The following PLXNA2 variants were observed in gnomAD, a reference collection of about 807,000 sequenced individuals.
The protein encoded by PLXNA2 is plexin A2, also known as plexin-A2.
PLXNA2 carries 91 observed loss-of-function variants against 193.5 expected under a neutral mutation model. That is an observed-to-expected ratio of 0.47 (90% CI 0.40 to 0.56). The LOEUF (loss-of-function observed/expected upper bound fraction) is 0.56. Ranked by LOEUF, PLXNA2 falls within the 20% of genes least tolerant of loss-of-function variation. The probability of loss-of-function intolerance (pLI) is 0.00; values close to 1 mark genes in which losing one functional copy is unlikely to be tolerated. For missense variants in PLXNA2, 1,995 were observed against 2,503.2 expected, an observed-to-expected ratio of 0.80 and a Z score of 4.33; for synonymous variants, 997 against 1,027.3, an observed-to-expected ratio of 0.97 and a Z score of 0.56.
In PLXNA2 at chr1:208,052,383, A is replaced by C. The variant is rs745682205; in HGVS notation, c.2937T>G (p.Leu979=). The C allele has an allele frequency of 6.2e-7, 1 of 1,614,028 alleles. No individual in the cohort carries two copies. The highest frequency in any genetic ancestry group is 8.5e-7 in the Non-Finnish European group (1 of 1,180,014). The change falls in exon 15 of 32, where the codon CTT becomes CTG. Residue 979 remains leucine, a synonymous_variant. Coordinates refer to ENST00000367033, the MANE Select transcript of PLXNA2 (RefSeq NM_025179.4). The part of the protein sequence containing the change: ...GTMVTITGHY[L]GAGSSVAVYL... ...AGACTGCCACGCTGCTCCCAGCCCC[A>C]AGGTAATGGCCGGTAATGGTCACCA...
chr1:208,184,311 T>G (rs1669932767), intron 3 of PLXNA2, among the ~76,000 whole-genome samples: 4 of 152,078 alleles, frequency 2.6e-5, no homozygotes, highest in Admixed American at 1.3e-4. Flanking sequence ...GCAATTTAAC[T>G]TGCCTGGGGA....
At chr1:208,080,229 G>A (rs564677598) in intron 11 of PLXNA2, among the ~76,000 whole-genome samples, 1 of 152,274 alleles carries the variant, frequency 6.6e-6, no homozygotes, top group East Asian at 1.9e-4. Flanking sequence ...GGGTGACACA[G>A]TCTGTTCCCA....
intron 12 of PLXNA2, among the ~76,000 whole-genome samples, chr1:208,066,458 C>T (rs777285320): frequency 2.0e-5 from 3 of 152,146 alleles, no homozygotes; most frequent in Non-Finnish European, 2.9e-5. Context: ...ACCATATATA[C>T]GACGATGGTT....
At position 208,199,413 on chromosome 1, in the gene PLXNA2, C is replaced by T. The variant is rs142618918; in HGVS notation, c.1371+10867G>A. 4.8e-3 allele frequency among the ~76,000 whole-genome samples: 734 copies of T among 152,310 alleles called. 6 individuals are homozygous for T. The highest frequency in any genetic ancestry group is 8.9e-3 in the South Asian group (43 of 4,826). On this transcript the variant is annotated intron_variant, in intron 3 of 31. Transcript: ENST00000367033. ...TTGTGCAGAAAGAATGTTCTTTAGG[C>T]CGGGCGCAGTGGCTCACGCCTGTAA...
rs543341248 is a variant in PLXNA2 at position 208,148,808 on chromosome 1, A to G, written c.1372-6345T>C. ...AGCAGCATCTCACCTGGCCTGAAGGAGGCCCTGAGGGGGTACTTCCTGGAG... is the reference window on the plus strand; with the variant it reads ...AGCAGCATCTCACCTGGCCTGAAGGGGGCCCTGAGGGGGTACTTCCTGGAG... On this transcript the variant is annotated intron_variant, in intron 3 of 31. Coordinates refer to ENST00000367033, the MANE Select transcript of PLXNA2 (RefSeq NM_025179.4). 2.6e-5 allele frequency among the ~76,000 whole-genome samples: 4 copies of G among 152,312 alleles called. No homozygotes were observed. The South Asian group carries it at 6.2e-4, about 24-fold the overall frequency.
intron 11 of PLXNA2, among the ~76,000 whole-genome samples, chr1:208,080,368 C>T (rs897665152): frequency 6.6e-6 from 1 of 152,092 alleles, no homozygotes; most frequent in Non-Finnish European, 1.5e-5. Context: ...GTATAACCAG[C>T]GAATTAGTGA....
intron 1 of PLXNA2, among the ~76,000 whole-genome samples, chr1:208,220,111 G>T (rs560104415): frequency 1.3e-5 from 2 of 152,282 alleles, no homozygotes; most frequent in Non-Finnish European, 2.9e-5. Context: ...TTGAGGAGCC[G>T]CGAGGGGAGG....
At position 208,065,220 on chromosome 1, in the gene PLXNA2, T is replaced by C. The variant is rs897083912; in HGVS notation, c.2587-4383A>G. Among the ~76,000 whole-genome samples the C allele has an allele frequency of 2.6e-5, 4 of 152,320 alleles. No individual in the cohort carries two copies. In the South Asian group the frequency reaches 8.3e-4, roughly 32 times the overall value. On this transcript the variant is annotated intron_variant, in intron 12 of 31. Transcript: ENST00000367033. ...AAGTATGGCCAGCATGTTAGGCAGA[T>C]CCATGTCTTGGTCAGTTTCAGATAG...
rs747671301 is a variant in PLXNA2, at chr1:208,042,102, G to A, written c.4282C>T (p.Arg1428Trp). 13 of 1,613,698 alleles carry A rather than the reference G, an allele frequency of 8.1e-6. No individual in the cohort carries two copies. Among genetic ancestry groups the A allele is most frequent in the Non-Finnish European group, 1.1e-5 (13 of 1,179,726 alleles). ...ENKNHPKLLL[R>W]RTESVAEKML... ...ACCCACTGCTGCGGGCCAGACCTCC[G>A]GAGTAGCAGCTTGGGGTGGTTCTTG... The change falls in exon 22 of 32, where the codon CGG becomes TGG. Residue 1428 changes from arginine (R) to tryptophan (W), a missense_variant. Arg to Trp is a moderately radical substitution (Grantham distance 101). Around this residue, in one of 3 missense-constraint regions of PLXNA2, gnomAD observed 1,291 missense variants for 1,673.6 expected, o/e 0.77. Coordinates refer to ENST00000367033, the MANE Select transcript of PLXNA2 (RefSeq NM_025179.4).
chr1:208,034,493 C>A lies in PLXNA2; in HGVS notation c.4864G>T (p.Asp1622Tyr). 6.2e-7 allele frequency: 1 copy of A among 1,606,770 alleles called. No individual in the cohort carries two copies. Among genetic ancestry groups the A allele is most frequent in the Non-Finnish European group, 8.5e-7 (1 of 1,173,278 alleles). ...SISRTSISRYDSSFRYTGSPD... is the reference protein window; with the variant it reads ...SISRTSISRYYSSFRYTGSPD... ...CCCAGTCTGCCCTCGTGGTTCTCAC[C>A]GTATCTGCTGATGGACGTCCGGGAG... Residue 1622 changes from aspartate to tyrosine, a missense_variant and splice_region_variant, in exon 27 of 32, where the codon GAC (aspartate) becomes TAC (tyrosine). Asp to Tyr is a radical substitution (Grantham distance 160, BLOSUM62 -3). This residue lies in a region of PLXNA2 where 1,291 missense variants were observed against 1,673.6 expected (regional missense o/e 0.77). Transcript: ENST00000367033.
chr1:208,207,853 G>T (rs1286545413), intron 3 of PLXNA2, among the ~76,000 whole-genome samples: 1 of 152,212 alleles, frequency 6.6e-6, no homozygotes, highest in Admixed American at 6.5e-5. Flanking sequence ...AGAGGAGGAA[G>T]GAGGGGTGTC....
intron 21 of PLXNA2, 110 bp downstream of exon 21, chr1:208,042,951 C>T: frequency 9.2e-7 from 1 of 1,089,346 alleles, no homozygotes. Flanking sequence ...AACTACTGAC[C>T]CCTCTTCCCT....
At chr1:208,059,683 T>C (rs1665554134) in intron 13 of PLXNA2, among the ~76,000 whole-genome samples, 1 of 152,226 alleles carries the variant, frequency 6.6e-6, no homozygotes, top group Admixed American at 6.5e-5. Flanking sequence ...TCATTTCACT[T>C]CTCATGAGTC....
chr1:208,076,473 T>C (rs1395030752), intron 12 of PLXNA2, among the ~76,000 whole-genome samples: 1 of 152,202 alleles, frequency 6.6e-6, no homozygotes, highest in Non-Finnish European at 1.5e-5. Context: ...AATTTTTATG[T>C]TCTTGCTCAA....
rs758280988 is a variant in PLXNA2 at position 208,044,887 on chromosome 1, G to A, written c.3640-145C>T. On this transcript the variant is annotated intron_variant, in intron 19 of 31. Transcript: ENST00000367033. The surrounding 1 kb of genome is among the most constrained non-coding windows in gnomAD (Gnocchi z 4.9). ...TAGATAAAAAGCAATTTCCTGCCTC[G>A]GCATCTGCCTTTCTTTTCTTGTGTT... 55 of 993,774 alleles carry A rather than the reference G, an allele frequency of 5.5e-5. No individual in the cohort carries two copies. The highest frequency in any genetic ancestry group is 2.5e-4 in the Middle Eastern group (1 of 4,068). The allele number at this position is 993,774 out of a possible 1,614,324, so 61.6% of individuals were successfully genotyped here. A position where few individuals can be genotyped will look rare whatever the true frequency, so the allele number is the denominator to read the frequency against.
At chr1:208,206,185 A>G (rs530255233) in intron 3 of PLXNA2, among the ~76,000 whole-genome samples, 15 of 152,350 alleles carry the variant, frequency 9.8e-5, no homozygotes, top group East Asian at 1.9e-4. Context: ...TTCCCTTCAC[A>G]TAGCATGATT....
At chr1:208,099,086 A>G in intron 5 of PLXNA2, 117 bp from the exon 6 acceptor site, 1 of 1,317,290 alleles carries the variant, frequency 7.6e-7, no homozygotes, top group Non-Finnish European at 1.0e-6. Flanking sequence ...TGTCTTCTCA[A>G]GAAGACTTTT....
chr1:208,055,773 C>T (rs950613067), intron 13 of PLXNA2, among the ~76,000 whole-genome samples: 5 of 152,206 alleles, frequency 3.3e-5, no homozygotes, highest in Admixed American at 2.0e-4. Context: ...TAAACAAATA[C>T]GCTGCATGCT....
intron 3 of PLXNA2, among the ~76,000 whole-genome samples, chr1:208,194,664 A>G (rs1194055124): frequency 6.6e-6 from 1 of 152,176 alleles, no homozygotes; most frequent in Non-Finnish European, 1.5e-5. Flanking sequence ...CCTGCCACCA[A>G]GATGGGGCAG....
Sources: allele counts gnomAD v4.1 joint callset (sites outside exome capture counted in the v4.1 genomes callset), GRCh38; gene constraint gnomAD v4.1.1; regional missense constraint gnomAD v4.1.1; non-coding constraint Gnocchi (gnomAD v3.1); transcripts MANE v1.5; gene names NCBI Gene and HGNC (gene_info 2026-07-23, HGNC 2026-07-21).